FCRL2: variants seen among roughly 807,000 people sequenced by gnomAD.
FCRL2 encodes the protein Fc receptor like 2.
A neutral mutation model predicts 59.8 loss-of-function variants in FCRL2; 48 were observed. The ratio of observed to expected loss-of-function variants is 0.80; its 90% confidence interval spans 0.64 to 1.02. FCRL2 has a LOEUF of 1.02. FCRL2 is among the 50% of genes least tolerant of loss of function. The pLI is 0.00. For missense variants in FCRL2, 658 were observed against 597.3 expected, an observed-to-expected ratio of 1.10 and a Z score of -1.06; for synonymous variants, 251 against 229.5, an observed-to-expected ratio of 1.09 and a Z score of -0.85.
intron 7 of FCRL2, among the ~76,000 whole-genome samples, chr1:157,764,167 G>A (rs1199705047): frequency 3.3e-5 from 5 of 151,786 alleles, no homozygotes; most frequent in Admixed American, 6.6e-5. Flanking sequence ...TTGCGCCACC[G>A]CACTCCAGCC....
At chr1:157,750,022 C>T (rs1417947324) in intron 7 of FCRL2, among the ~76,000 whole-genome samples, 2 of 152,132 alleles carry the variant, frequency 1.3e-5, no homozygotes, top group African/African-American at 4.8e-5. Context: ...ATATTTTAAC[C>T]ATTGATGACT....
In FCRL2 at chr1:157,764,182, G is replaced by A. The variant is rs541536515; in HGVS notation, c.1279+2673C>T. 7.1e-4 allele frequency among the ~76,000 whole-genome samples: 107 copies of A among 151,732 alleles called. 1 individual carries two copies. The highest frequency in any genetic ancestry group is 2.8e-4 in the Non-Finnish European group (19 of 67,980). ...TTGCGCCACCGCACTCCAGCCTGGC[G>A]ACAGAGCAAGACTCTGCCTCAAAAT... On this transcript the variant is annotated intron_variant, in intron 7 of 11. Coordinates refer to ENST00000361516, the MANE Select transcript of FCRL2 (RefSeq NM_030764.4).
At position 157,746,760 on chromosome 1, in the gene FCRL2, G is replaced by T. The variant is rs2101656080; in HGVS notation, c.1503C>A (p.Ile501=). Residue 501 remains isoleucine (I), a synonymous_variant, in exon 12 of 12, where the codon ATC becomes ATA. Coordinates refer to ENST00000361516, the MANE Select transcript of FCRL2 (RefSeq NM_030764.4). The stretch of plus-strand genomic sequence containing the variant: ...GTTATGATTTCTTCACAGAAGAGTA[G>T]ATGACTTGGGAGTCCTGGGAGAGAC... ...TLLENKDSQV[I]YSSVKKS 1.9e-6 allele frequency: 3 copies of T among 1,613,956 alleles called. No individual in the cohort carries two copies. In the East Asian group the frequency reaches 6.7e-5, roughly 36 times the overall value.
chr1:157,764,273 G>T (rs1332390557), intron 7 of FCRL2, among the ~76,000 whole-genome samples: 1 of 151,856 alleles, frequency 6.6e-6, no homozygotes, highest in Non-Finnish European at 1.5e-5. Context: ...TCCAGCAAGA[G>T]AATATAGAGG....
At chr1:157,752,493 G>A (rs763948023) in intron 7 of FCRL2, among the ~76,000 whole-genome samples, 1 of 152,154 alleles carries the variant, frequency 6.6e-6, no homozygotes, top group Non-Finnish European at 1.5e-5. Context: ...GTCTTTATTA[G>A]CAGCATGAAA....
At chr1:157,769,497 G>C (rs141501130) in intron 4 of FCRL2, 2 of 183,834 alleles carry the variant, frequency 1.1e-5, no homozygotes, top group Non-Finnish European at 2.3e-5. Context: ...GCGTGATCTC[G>C]GCTCACTGCA....
chr1:157,766,953 C>G lies in FCRL2; in HGVS notation c.1181G>C (p.Arg394Thr), dbSNP rs376016153. 6.2e-7 allele frequency: 1 copy of G among 1,613,656 alleles called. No individual in the cohort carries two copies. The highest frequency in any genetic ancestry group is 1.7e-5 in the Admixed American group (1 of 59,914). Residue 394 changes from arginine (R) to threonine (T), a missense_variant, in exon 7 of 12, where the codon AGA becomes ACA. By Grantham distance (71) the Arg-to-Thr change is moderately conservative. Transcript: ENST00000361516. The stretch of plus-strand genomic sequence containing the variant: ...GAGAACTCCAGCTGTCATGAGGTCT[C>G]TTCTATAGCCATCAGGTCCTGAGGA... ...VSISGPDGYR[R>T]DLMTAGVLWG...
In FCRL2 at chr1:157,746,775, C is replaced by G; in HGVS notation, c.1489-1G>C. The G allele has an allele frequency of 6.2e-7, 1 of 1,613,902 alleles. No individual in the cohort carries two copies. The highest frequency in any genetic ancestry group is 1.7e-4 in the Middle Eastern group (1 of 6,058). On this transcript the variant is annotated splice_acceptor_variant, in intron 11 of 11. Coordinates refer to ENST00000361516, the MANE Select transcript of FCRL2 (RefSeq NM_030764.4). LOFTEE classifies it high-confidence loss of function. ...CAGAAGAGTAGATGACTTGGGAGTC[C>G]TGGGAGAGACACACAGGAATAAAGA...
intron 7 of FCRL2, among the ~76,000 whole-genome samples, chr1:157,755,474 T>G (rs7529060): frequency 0.57 from 86,536 of 151,966 alleles, 27,342 homozygotes; most frequent in African/African-American, 0.87. Context: ...TATCAAATTA[T>G]AAAGGTATCT....
In FCRL2 at chr1:157,768,396, A is replaced by G. The variant is rs181308744; in HGVS notation, c.883+18T>C. ...GGTCTGGGAATTTCTGGAAGATATG[A>G]ATGAGAGTGTCACTCACTTCTCACA... On this transcript the variant is annotated intron_variant, in intron 5 of 11. Coordinates refer to ENST00000361516, the MANE Select transcript of FCRL2 (RefSeq NM_030764.4). 3.5e-4 allele frequency: 565 copies of G among 1,606,852 alleles called. 1 individual carries two copies. Among genetic ancestry groups the G allele is most frequent in the Non-Finnish European group, 3.7e-4 (435 of 1,175,172 alleles).
At chr1:157,767,995 C>T (rs1649657424) in intron 5 of FCRL2, 1 of 245,842 alleles carries the variant, frequency 4.1e-6, no homozygotes, top group Admixed American at 5.0e-5. Context: ...ACCAGTAAAT[C>T]ACCAATAACA....
At chr1:157,753,078 G>A (rs566876489) in intron 7 of FCRL2, among the ~76,000 whole-genome samples, 2 of 152,134 alleles carry the variant, frequency 1.3e-5, no homozygotes, top group African/African-American at 4.8e-5. Flanking sequence ...ACAGAATAGG[G>A]CATCAAAGTT....
rs534753371 is a variant in FCRL2 at position 157,750,707 on chromosome 1, C to G, written c.1280-1030G>C. 6.6e-5 allele frequency among the ~76,000 whole-genome samples: 10 copies of G among 152,252 alleles called. No homozygotes were observed. The East Asian group carries it at 1.7e-3, about 26-fold the overall frequency. Reference sequence around the variant, plus strand: ...TTTAGTCTTCATGGAAAGGAATGACCTCAGAATTGTCTACCAAGCCAAACT... The same window carrying G: ...TTTAGTCTTCATGGAAAGGAATGACGTCAGAATTGTCTACCAAGCCAAACT... On this transcript the variant is annotated intron_variant, in intron 7 of 11. Coordinates refer to ENST00000361516, the MANE Select transcript of FCRL2 (RefSeq NM_030764.4).
intron 7 of FCRL2, among the ~76,000 whole-genome samples, chr1:157,752,547 T>C (rs1255058080): frequency 6.6e-6 from 1 of 152,220 alleles, no homozygotes; most frequent in East Asian, 1.9e-4. Context: ...TGGGCCTGCC[T>C]GCGATTTCAA....
chr1:157,768,412 A>G lies in FCRL2; in HGVS notation c.883+2T>C, dbSNP rs964325570. On this transcript the variant is annotated splice_donor_variant, in intron 5 of 11. Transcript: ENST00000361516. LOFTEE classifies it high-confidence loss of function. ...GAAGATATGAATGAGAGTGTCACTC[A>G]CTTCTCACAGGGATATTCACCACCT... is the stretch of plus-strand genomic sequence containing the variant. The G allele has an allele frequency of 6.2e-7, 1 of 1,611,718 alleles. No individual in the cohort carries two copies.
intron 5 of FCRL2, 89 bp downstream of exon 5, chr1:157,768,325 T>A (rs1649686823): frequency 7.2e-7 from 1 of 1,395,800 alleles, no homozygotes; most frequent in African/African-American, 1.4e-5. Flanking sequence ...CACTAATCCC[T>A]GGGGCCTCCT....
chr1:157,751,104 T>C (rs922234526), intron 7 of FCRL2, among the ~76,000 whole-genome samples: 2 of 152,156 alleles, frequency 1.3e-5, no homozygotes, highest in African/African-American at 4.8e-5. Flanking sequence ...AATATCCAAT[T>C]TGTTCAAAAG....
chr1:157,766,165 A>G (rs1571281156), intron 7 of FCRL2, among the ~76,000 whole-genome samples: 1 of 152,222 alleles, frequency 6.6e-6, no homozygotes, highest in East Asian at 1.9e-4. Context: ...AAGAAAAAAG[A>G]GCACATTAAA....
At position 157,749,189 on chromosome 1, in the gene FCRL2, C is replaced by T. The variant is rs1647996885; in HGVS notation, c.1308-229G>A. On this transcript the variant is annotated intron_variant, in intron 8 of 11. Transcript: ENST00000361516. ...TAAGACAATGATATTGCTCCAGAAT[C>T]TTTTTTTTTCTTATAAACTGTCATA... Among the ~76,000 whole-genome samples, 5 of 151,398 alleles carry T rather than the reference C, an allele frequency of 3.3e-5. No homozygotes were observed. In the South Asian group the frequency reaches 1.0e-3, roughly 32 times the overall value.
Sources: gnomAD v4.1 joint callset for allele counts (sites outside exome capture counted in the v4.1 genomes callset) on GRCh38, gnomAD v4.1.1 for gene constraint, MANE v1.5 for transcripts, NCBI Gene and HGNC (gene_info 2026-07-23, HGNC 2026-07-21) for gene names.